The following ATXN7L1 variants were observed in gnomAD, a reference collection of about 807,000 sequenced individuals.
ATXN7L1 encodes ataxin 7 like 1.
A neutral mutation model predicts 70.8 loss-of-function variants in ATXN7L1; 15 were observed. That is an observed-to-expected ratio of 0.21 (90% CI 0.14 to 0.33). The LOEUF is 0.33. Among genes scored for constraint, ATXN7L1 ranks in the 10% least tolerant of loss-of-function variants. The pLI is 1.00. For synonymous variants in ATXN7L1, 440 were observed against 445.1 expected (o/e 0.99, Z 0.14); for missense variants, 975 against 1,097.1 (o/e 0.89, Z 1.57).
chr7:105,663,254 C>G (rs542249222), intron 4 of ATXN7L1, among the ~76,000 whole-genome samples: 14 of 152,314 alleles, frequency 9.2e-5, no homozygotes, highest in African/African-American at 2.4e-5. Flanking sequence ...AGGATGGACC[C>G]GCAATCCCAA....
intron 7 of ATXN7L1, among the ~76,000 whole-genome samples, chr7:105,628,649 C>G (rs569568351): frequency 3.3e-5 from 5 of 151,536 alleles, no homozygotes; most frequent in Non-Finnish European, 7.4e-5. Flanking sequence ...AAAAATTAGC[C>G]GGGCATGGTG....
At chr7:105,673,406 G>C (rs1037325647) in intron 3 of ATXN7L1, among the ~76,000 whole-genome samples, 1 of 152,200 alleles carries the variant, frequency 6.6e-6, no homozygotes, top group Non-Finnish European at 1.5e-5. Context: ...AATAGACTTT[G>C]AGCACCACAG....
chr7:105,644,354 C>T (rs1015033335), intron 4 of ATXN7L1, among the ~76,000 whole-genome samples: 4 of 152,134 alleles, frequency 2.6e-5, no homozygotes, highest in African/African-American at 4.8e-5. Context: ...TCTTTGCCAG[C>T]GAGAAGGGCA....
chr7:105,854,975 A>C (rs1300954188), intron 2 of ATXN7L1, among the ~76,000 whole-genome samples: 1 of 108,136 alleles, frequency 9.2e-6, no homozygotes, highest in Non-Finnish European at 1.8e-5. Flanking sequence ...TTTTTTTTTG[A>C]GATGGAGTCT....
intron 3 of ATXN7L1, among the ~76,000 whole-genome samples, chr7:105,702,917 G>A (rs2893591): frequency 0.15 from 22,916 of 152,094 alleles, 2,216 homozygotes; most frequent in East Asian, 0.28. Context: ...AGGAGATCGA[G>A]ACCATCCTGA....
chr7:105,749,296 A>G (rs950696576), intron 3 of ATXN7L1, among the ~76,000 whole-genome samples: 38 of 151,940 alleles, frequency 2.5e-4, no homozygotes, highest in Non-Finnish European at 4.9e-4. Flanking sequence ...AGGAAGGGTA[A>G]AATCATCATA....
intron 9 of ATXN7L1, among the ~76,000 whole-genome samples, chr7:105,617,276 G>A (rs1794057442): frequency 1.3e-5 from 2 of 152,014 alleles, no homozygotes; most frequent in African/African-American, 4.8e-5. Flanking sequence ...TGCCTGCCTC[G>A]GCCTCCCAAA....
rs139610815 is a variant in ATXN7L1 at position 105,781,051 on chromosome 7, C to G, written c.355+7553G>C. The stretch of plus-strand genomic sequence containing the variant: ...AATGTCCCGAGATGGTTTTGGTTGT[C>G]AAGATTAGGAGTGGGGTAGAGACTG... On this transcript the variant is annotated intron_variant, in intron 3 of 11. Coordinates refer to ENST00000419735, the MANE Select transcript of ATXN7L1 (RefSeq NM_020725.2). 1.8e-3 allele frequency among the ~76,000 whole-genome samples: 275 copies of G among 152,272 alleles called. 3 individuals are homozygous for G. The highest frequency in any genetic ancestry group is 0.016 in the Admixed American group (238 of 15,300).
intron 3 of ATXN7L1, among the ~76,000 whole-genome samples, chr7:105,781,529 G>T (rs600973): frequency 0.6 from 90,872 of 152,066 alleles, 28,700 homozygotes; most frequent in African/African-American, 0.79. Context: ...CTGAGGTAAG[G>T]ACCCACCACA....
chr7:105,686,517 A>AAAACAAACAAACAAAC (rs527785550), intron 3 of ATXN7L1, among the ~76,000 whole-genome samples: 3 of 152,300 alleles, frequency 2.0e-5, no homozygotes, highest in East Asian at 3.9e-4. Context: ...AGTCCATCTC[A>AAAACAAACAAACAAAC]AAACAAACAA....
At chr7:105,670,661 T>TA (rs11462722) in intron 3 of ATXN7L1, among the ~76,000 whole-genome samples, 67,001 of 147,284 alleles carry the variant, frequency 0.45, 15,625 homozygotes, top group Middle Eastern at 0.56. Context: ...TATTTATCTT[T>TA]AAAAAAAAAA....
chr7:105,667,037 T>C (rs1007296409), intron 3 of ATXN7L1, among the ~76,000 whole-genome samples: 2 of 152,236 alleles, frequency 1.3e-5, no homozygotes, highest in African/African-American at 4.8e-5. Context: ...CCTTCCCTTC[T>C]CATCTCTCAT....
At chr7:105,846,919 G>C (rs1463666106) in intron 2 of ATXN7L1, among the ~76,000 whole-genome samples, 1 of 152,178 alleles carries the variant, frequency 6.6e-6, no homozygotes, top group African/African-American at 2.4e-5. Flanking sequence ...AATCCATAGA[G>C]ACAGAAAGTT....
Position 105,876,509 on chromosome 7 carries a change from T to A in ATXN7L1, c.50A>T (p.Glu17Val). Residue 17 changes from glutamate (E) to valine (V), a missense_variant, in exon 1 of 12, where the codon GAA becomes GTA. This residue lies in a region of ATXN7L1 where 135 missense variants were observed against 132.6 expected (regional missense o/e 1.02). Transcript: ENST00000419735. ...RIPCLSAAAAEGTGKKQQEGR... is the reference protein window; with the variant it reads ...RIPCLSAAAAVGTGKKQQEGR... ...TTCTTGTTGCTTTTTCCCTGTTCCTTCGGCAGCAGCAGCCGAGAGACACGG... is the reference window on the plus strand; with the variant it reads ...TTCTTGTTGCTTTTTCCCTGTTCCTACGGCAGCAGCAGCCGAGAGACACGG... 2 of 1,612,064 alleles carry A rather than the reference T, an allele frequency of 1.2e-6. No individual in the cohort carries two copies. Among genetic ancestry groups the A allele is most frequent in the Non-Finnish European group, 1.7e-6 (2 of 1,179,158 alleles).
Position 105,613,967 on chromosome 7 carries a change from G to C in ATXN7L1, c.2367C>G (p.Ala789=). Residue 789 remains alanine (A), a synonymous_variant, in exon 10 of 12, where the codon GCC becomes GCG. Coordinates refer to ENST00000419735, the MANE Select transcript of ATXN7L1 (RefSeq NM_020725.2). The part of the protein sequence containing the change: ...KRKNSSSSSK[A]CKITKMPGMN... Reference sequence around the variant, plus strand: ...TACCAGGCATTTTAGTGATTTTACAGGCTTTGCTACTAGAACTCGAGTTCT... The same window carrying C: ...TACCAGGCATTTTAGTGATTTTACACGCTTTGCTACTAGAACTCGAGTTCT... The C allele has an allele frequency of 6.4e-7, 1 of 1,552,322 alleles. No homozygotes were observed.
chr7:105,674,572 C>A (rs1356608785), intron 3 of ATXN7L1, among the ~76,000 whole-genome samples: 2 of 152,206 alleles, frequency 1.3e-5, no homozygotes, highest in African/African-American at 4.8e-5. Context: ...CAGGAAAGCC[C>A]AGGCTTGCCT....
chr7:105,737,528 CGTGTGTGTGTGTGT>C (rs71520935), intron 3 of ATXN7L1, among the ~76,000 whole-genome samples: 32,763 of 148,582 alleles, frequency 0.22, 4,909 homozygotes, highest in African/African-American at 0.42. Flanking sequence ...CTAACGTCCC[CGTGTGTGTGTGTGT>C]GTGTGTGTGT....
chr7:105,811,666 G>A (rs1808457241), intron 2 of ATXN7L1, among the ~76,000 whole-genome samples: 1 of 152,160 alleles, frequency 6.6e-6, no homozygotes, highest in Non-Finnish European at 1.5e-5. Flanking sequence ...AGGGCAGCAA[G>A]GAATAAAAGT....
intron 3 of ATXN7L1, among the ~76,000 whole-genome samples, chr7:105,695,567 C>T (rs188126073): frequency 4.7e-4 from 72 of 152,288 alleles, no homozygotes; most frequent in Non-Finnish European, 5.0e-4. Flanking sequence ...TAAGTTGCAG[C>T]GAAGTGGAAT....
Sources: allele counts gnomAD v4.1 joint callset (sites outside exome capture counted in the v4.1 genomes callset), GRCh38; gene constraint gnomAD v4.1.1; regional missense constraint gnomAD v4.1.1; transcripts MANE v1.5; gene names NCBI Gene and HGNC (gene_info 2026-07-23, HGNC 2026-07-21).